VARS1: variants seen among roughly 807,000 people sequenced by gnomAD.
VARS1 encodes valyl-tRNA synthetase 1, also known as valine--tRNA ligase.
Under a neutral mutation model 161.0 loss-of-function variants are expected in VARS1, and 92 were observed. The observed-to-expected ratio is 0.57, with a 90% CI of 0.48 to 0.68. The LOEUF (loss-of-function observed/expected upper bound fraction) is 0.68, where lower values mean the gene tolerates loss of function less well. Ranked by LOEUF, VARS1 falls within the 30% of genes least tolerant of loss-of-function variation. The pLI is 0.00. For missense variants in VARS1, 1,338 were observed against 1,695.9 expected, an observed-to-expected ratio of 0.79 and a Z score of 3.71; for synonymous variants, 595 against 682.5, an observed-to-expected ratio of 0.87 and a Z score of 2.00.
intron 2 of VARS1, 139 bp from the exon 3 acceptor site, chr6:31,793,259 C>T (rs1814014973): frequency 2.5e-6 from 3 of 1,215,512 alleles, no homozygotes; most frequent in Non-Finnish European, 3.3e-6. Context: ...CAAATAGTCA[C>T]AATAAAAATA....
In VARS1 at chr6:31,780,045, T is replaced by C; in HGVS notation, c.3034A>G (p.Thr1012Ala). Residue 1012 changes from threonine (T) to alanine (A), a missense_variant, in exon 26 of 30, where the codon ACT (threonine) becomes GCT (alanine). Physicochemically the swap from Thr to Ala is moderately conservative, Grantham distance 58. Around this residue, in one of 3 missense-constraint regions of VARS1, gnomAD observed 433 missense variants for 586.2 expected, o/e 0.74. Coordinates refer to ENST00000375663, the MANE Select transcript of VARS1 (RefSeq NM_006295.3). The surrounding 1 kb of genome is among the most constrained non-coding windows in gnomAD (Gnocchi z 5.1). ...FQAYDFPAVT[T>A]AQYSFWLYEL... is the part of the protein sequence containing the mutation. ...TAGAGCCAGAAGCTGTACTGGGCAGTGGTGACGGCCGGGAAGTCGTAGGCC... is the reference window on the plus strand; with the variant it reads ...TAGAGCCAGAAGCTGTACTGGGCAGCGGTGACGGCCGGGAAGTCGTAGGCC... 1 of 1,614,074 alleles carries C rather than the reference T, an allele frequency of 6.2e-7. No homozygotes were observed. The highest frequency in any genetic ancestry group is 8.5e-7 in the Non-Finnish European group (1 of 1,180,006).
chr6:31,791,547 A>C lies in VARS1; in HGVS notation c.1100+63T>G. The C allele has an allele frequency of 6.5e-7, 1 of 1,540,192 alleles. No homozygotes were observed. The highest frequency in any genetic ancestry group is 8.7e-7 in the Non-Finnish European group (1 of 1,144,302). On this transcript the variant is annotated intron_variant, in intron 8 of 29. Coordinates refer to ENST00000375663, the MANE Select transcript of VARS1 (RefSeq NM_006295.3). The surrounding 1 kb of genome is among the most constrained non-coding windows in gnomAD (Gnocchi z 5.0). ...AAGGAGAGAGGCTCGGGGGGCTGTC[A>C]GGGAAAAGGAGAGAGCCAGACTAGG...
intron 8 of VARS1, among the ~76,000 whole-genome samples, chr6:31,788,772 G>A (rs937754192): frequency 7.9e-5 from 12 of 151,856 alleles, no homozygotes; most frequent in African/African-American, 2.2e-4. Flanking sequence ...TTGCGCCACC[G>A]CACTCCAGCC....
At chr6:31,792,185 CTG>C (rs775674474) in intron 6 of VARS1, 30 bp downstream of exon 6, 33 of 1,607,062 alleles carry the variant, frequency 2.1e-5, no homozygotes, top group Non-Finnish European at 2.6e-5. Context: ...GAAGGGGCTG[CTG>C]AGGGGTGAGC....
intron 8 of VARS1, among the ~76,000 whole-genome samples, chr6:31,788,112 C>A (rs1021200075): frequency 6.6e-6 from 1 of 150,898 alleles, no homozygotes; most frequent in African/African-American, 2.4e-5. Flanking sequence ...AGAGCAAGAC[C>A]CCATTTCCAA....
At position 31,778,730 on chromosome 6, in the gene VARS1, C is replaced by T. The variant is rs1434610173; in HGVS notation, c.3726+237G>A. Reference sequence around the variant, plus strand: ...TTTCACCATGTTGGCTGGTCTCAAACCCCTGGGCTCAAGTGATCCACCCAC... The same window carrying T: ...TTTCACCATGTTGGCTGGTCTCAAATCCCTGGGCTCAAGTGATCCACCCAC... On this transcript the variant is annotated intron_variant, in intron 29 of 29. Transcript: ENST00000375663. This position sits in a 1 kb window ranked among gnomAD's most constrained non-coding sequence, Gnocchi z 5.1. 6 of 589,996 alleles carry T rather than the reference C, an allele frequency of 1.0e-5. No homozygotes were observed. Among genetic ancestry groups the T allele is most frequent in the Non-Finnish European group, 1.8e-5 (6 of 337,810 alleles). The allele number at this position is 589,996 out of a possible 1,614,324, so 36.5% of individuals were successfully genotyped here.
At position 31,779,601 on chromosome 6, in the gene VARS1, G is replaced by A; in HGVS notation, c.3288+7C>T. 6.2e-7 allele frequency: 1 copy of A among 1,612,156 alleles called. No homozygotes were observed. The stretch of plus-strand genomic sequence containing the variant: ...GGTCAGACTCCCCTCTCCAGGCCAT[G>A]CCATACCTCTGAGGGCTCCGGGTAG... On this transcript the variant is annotated splice_region_variant and intron_variant, in intron 27 of 29. Transcript: ENST00000375663. The surrounding 1 kb of genome is among the most constrained non-coding windows in gnomAD (Gnocchi z 9.1).
rs373146932 is a variant in VARS1 at position 31,782,039 on chromosome 6, A to C, written c.2241+48T>G. On this transcript the variant is annotated intron_variant, in intron 18 of 29. Transcript: ENST00000375663. The surrounding 1 kb of genome is among the most constrained non-coding windows in gnomAD (Gnocchi z 8.3). ...CCCCCACCAAGGACCCAGTAAACCC[A>C]CCACTCCAGCAGGGTGTCCCAGCAG... 9.4e-5 allele frequency: 152 copies of C among 1,611,850 alleles called. No individual in the cohort carries two copies. Among genetic ancestry groups the C allele is most frequent in the Middle Eastern group, 5.0e-4 (3 of 6,058 alleles).
chr6:31,793,415 A>AACCCAG (rs1246343406), intron 2 of VARS1, among the ~76,000 whole-genome samples: 1 of 151,696 alleles, frequency 6.6e-6, no homozygotes, highest in Non-Finnish European at 1.5e-5. Flanking sequence ...CTGAGGCAGG[A>AACCCAG]GAATGGCATG....
chr6:31,784,624 T>C lies in VARS1; in HGVS notation c.1438A>G (p.Thr480Ala). 6.2e-7 allele frequency: 1 copy of C among 1,613,118 alleles called. No homozygotes were observed. Among genetic ancestry groups the C allele is most frequent in the South Asian group, 1.1e-5 (1 of 91,076 alleles). ...ATGTCAGAGATGGCGGAGTTGAGGG[T>C]GCAGGACCAGTTAACAAGGCGGGTA... ...RSTRLVNWSC[T>A]LNSAISDIEV... is the part of the protein sequence containing the mutation. Residue 480 changes from threonine to alanine, a missense_variant, in exon 11 of 30, where the codon ACC becomes GCC. Thr to Ala is a moderately conservative substitution (Grantham distance 58). This residue lies in a region of VARS1 where 902 missense variants were observed against 1,090.3 expected (regional missense o/e 0.83). Coordinates refer to ENST00000375663, the MANE Select transcript of VARS1 (RefSeq NM_006295.3). The surrounding 1 kb of genome is among the most constrained non-coding windows in gnomAD (Gnocchi z 6.1).
rs1304223511 is a variant in VARS1 at position 31,779,668 on chromosome 6, G to T, written c.3228C>A (p.Pro1076=). ...TAGGGGGAGCTTGCGGCATCCTCCGGGGCAGCCTCTGGAACAGCTCCTCCG... is the reference window on the plus strand; with the variant it reads ...TAGGGGGAGCTTGCGGCATCCTCCGTGGCAGCCTCTGGAACAGCTCCTCCG... The part of the protein sequence containing the change: ...FVTEELFQRL[P]RRMPQAPPSL... Residue 1076 remains proline, a synonymous_variant, in exon 27 of 30, where the codon CCC becomes CCA. Transcript: ENST00000375663. The surrounding 1 kb of genome is among the most constrained non-coding windows in gnomAD (Gnocchi z 9.1). The T allele has an allele frequency of 1.2e-6, 2 of 1,612,824 alleles. No individual in the cohort carries two copies. The highest frequency in any genetic ancestry group is 2.7e-5 in the African/African-American group (2 of 74,920).
rs1183619397 is a variant in VARS1, at chr6:31,779,389, A to G, written c.3400+36T>C. The G allele has an allele frequency of 6.2e-7, 1 of 1,607,314 alleles. No individual in the cohort carries two copies. Among genetic ancestry groups the G allele is most frequent in the Admixed American group, 1.7e-5 (1 of 59,986 alleles). On this transcript the variant is annotated intron_variant, in intron 28 of 29. Coordinates refer to ENST00000375663, the MANE Select transcript of VARS1 (RefSeq NM_006295.3). This position sits in a 1 kb window ranked among gnomAD's most constrained non-coding sequence, Gnocchi z 9.1. ...GGGTCCCAGAGTAGGCTGAGGGGAC[A>G]GTGGGATGGGGCGGACATGGGGGCC...
chr6:31,790,996 T>C (rs1310130459), intron 8 of VARS1, among the ~76,000 whole-genome samples: 1 of 151,968 alleles, frequency 6.6e-6, no homozygotes, highest in African/African-American at 2.4e-5. Context: ...AATATATTCA[T>C]ATATTTTGGT....
rs755877227 is a variant in VARS1, at chr6:31,780,102, C to G, written c.2977G>C (p.Glu993Gln). 6.2e-7 allele frequency: 1 copy of G among 1,614,110 alleles called. No individual in the cohort carries two copies. The highest frequency in any genetic ancestry group is 1.1e-5 in the South Asian group (1 of 91,082). Residue 993 changes from glutamate to glutamine, a missense_variant, in exon 26 of 30, where the codon GAG becomes CAG. Around this residue, in one of 3 missense-constraint regions of VARS1, gnomAD observed 433 missense variants for 586.2 expected, o/e 0.74. Coordinates refer to ENST00000375663, the MANE Select transcript of VARS1 (RefSeq NM_006295.3). This position sits in a 1 kb window ranked among gnomAD's most constrained non-coding sequence, Gnocchi z 5.1. ...VDRWIRSRLTEAVRLSNQGFQ... is the reference protein window; with the variant it reads ...VDRWIRSRLTQAVRLSNQGFQ... ...CCTTGATTGCTGAGCCTCACAGCCT[C>G]TGTCAGGCGGCTGCGGATCCAGCGG...
At position 31,778,890 on chromosome 6, in the gene VARS1, T is replaced by C. The variant is rs1812916871; in HGVS notation, c.3726+77A>G. On this transcript the variant is annotated intron_variant, in intron 29 of 29. Coordinates refer to ENST00000375663, the MANE Select transcript of VARS1 (RefSeq NM_006295.3). This position sits in a 1 kb window ranked among gnomAD's most constrained non-coding sequence, Gnocchi z 5.1. ...ACGATCAATTAGTTGTCAACACCAC[T>C]GCACTCGGACCAGCCCAGACCAGGG... is the stretch of plus-strand genomic sequence containing the variant. The C allele has an allele frequency of 1.9e-6, 3 of 1,574,254 alleles. No individual in the cohort carries two copies. The highest frequency in any genetic ancestry group is 1.7e-6 in the Non-Finnish European group (2 of 1,150,724).
In VARS1 at chr6:31,779,097, C is replaced by G; in HGVS notation, c.3596G>C (p.Arg1199Pro). 1 of 1,610,864 alleles carries G rather than the reference C, an allele frequency of 6.2e-7. No homozygotes were observed. The highest frequency in any genetic ancestry group is 8.5e-7 in the Non-Finnish European group (1 of 1,179,002). The change falls in exon 29 of 30, where the codon CGG becomes CCG. Residue 1199 changes from arginine to proline, a missense_variant. By Grantham distance (103) the Arg-to-Pro change is moderately radical. Transcript: ENST00000375663. This position sits in a 1 kb window ranked among gnomAD's most constrained non-coding sequence, Gnocchi z 9.1. ...CTTGGCTTGCAGCTTGCCCAGCTCC[C>G]GTGCAGGGTCCACCAGCCCCTGAAG... ...LQLQGLVDPARELGKLQAKRV... is the reference protein window; with the variant it reads ...LQLQGLVDPAPELGKLQAKRV...
intron 2 of VARS1, among the ~76,000 whole-genome samples, chr6:31,793,986 C>G (rs973963795): frequency 4.0e-5 from 6 of 151,356 alleles, no homozygotes; most frequent in Non-Finnish European, 8.8e-5. Context: ...CGCCTGTAAT[C>G]CCAGCTACTC....
chr6:31,792,873 C>T lies in VARS1; in HGVS notation c.545G>A (p.Arg182Gln), dbSNP rs375153363. 3.7e-5 allele frequency: 60 copies of T among 1,614,042 alleles called. No individual in the cohort carries two copies. The highest frequency in any genetic ancestry group is 4.6e-5 in the Non-Finnish European group (54 of 1,180,040). The change falls in exon 4 of 30, where the codon CGG (arginine) becomes CAG (glutamine). Residue 182 changes from arginine (R) to glutamine (Q), a missense_variant. By Grantham distance (43) the Arg-to-Gln change is conservative. Transcript: ENST00000375663. ...FRYVLDPPAR[R>Q]IWNNVTRWFV... ...CCAGCGAGTCACATTATTCCAGATCCGGCGGGCAGGTGGGTCTAGGACCTG... is the reference window on the plus strand; with the variant it reads ...CCAGCGAGTCACATTATTCCAGATCTGGCGGGCAGGTGGGTCTAGGACCTG...
At chr6:31,789,153 C>T (rs1813709443) in intron 8 of VARS1, among the ~76,000 whole-genome samples, 4 of 151,430 alleles carry the variant, frequency 2.6e-5, no homozygotes. Context: ...ACAGGAGAAA[C>T]ATTTACAATT....
Sources: gnomAD v4.1 joint callset for allele counts (sites outside exome capture counted in the v4.1 genomes callset) on GRCh38, gnomAD v4.1.1 for gene constraint, gnomAD v4.1.1 regional missense constraint, Gnocchi (gnomAD v3.1) non-coding constraint, MANE v1.5 for transcripts, NCBI Gene and HGNC (gene_info 2026-07-23, HGNC 2026-07-21) for gene names.